Variants in PLAC8L1 observed in about 807,000 individuals in gnomAD.
PLAC8L1 encodes PLAC8-like protein 1.
In PLAC8L1, 13 loss-of-function variants were observed where a neutral mutation model predicts 16.3. The observed-to-expected ratio is 0.80, with a 90% CI of 0.52 to 1.27. PLAC8L1 has a LOEUF of 1.27. Ranked by LOEUF, PLAC8L1 falls within the 50% of genes most tolerant of loss-of-function variation. The pLI, the probability that PLAC8L1 is intolerant of heterozygous loss-of-function variation, is 0.00. For missense variants in PLAC8L1, 184 were observed against 220.2 expected (o/e 0.84, Z 1.04); for synonymous variants, 78 against 79.3 (o/e 0.98, Z 0.09).
chr5:146,088,510 T>C (rs763415170), intron 2 of PLAC8L1, among the ~76,000 whole-genome samples: 28 of 152,140 alleles, frequency 1.8e-4, no homozygotes, highest in Admixed American at 5.9e-4. Context: ...GGCAAAAAAC[T>C]AGGAATTCTG....
chr5:146,090,343 G>A (rs1288588047), intron 2 of PLAC8L1, among the ~76,000 whole-genome samples: 2 of 151,932 alleles, frequency 1.3e-5, no homozygotes, highest in Admixed American at 6.6e-5. Flanking sequence ...AGACCAGCCT[G>A]GCCAACATGA....
In PLAC8L1 at chr5:146,085,430, CG is replaced by C. The variant is rs1464562049; in HGVS notation, c.393+30del. The C allele has an allele frequency of 1.9e-6, 3 of 1,598,504 alleles. No homozygotes were observed. In the East Asian group the frequency reaches 6.7e-5, roughly 36 times the overall value. ...AGGCATCTAGGTTTTCATACAGATT[CG>C]GGTTCACGTATACCTTCAAACACAC... On this transcript the variant is annotated intron_variant, in intron 3 of 3. Transcript: ENST00000311450.
chr5:146,102,991 G>C (rs562951999), intron 1 of PLAC8L1, among the ~76,000 whole-genome samples: 20 of 152,194 alleles, frequency 1.3e-4, no homozygotes, highest in African/African-American at 4.3e-4. Flanking sequence ...CAGAAACAAA[G>C]GAAGGAGAAA....
intron 2 of PLAC8L1, among the ~76,000 whole-genome samples, chr5:146,095,980 T>G (rs1022657016): frequency 1.3e-5 from 2 of 152,216 alleles, no homozygotes; most frequent in African/African-American, 4.8e-5. Flanking sequence ...TATATTCGTT[T>G]CCTAGGGCTG....
At chr5:146,085,369 C>T in intron 3 of PLAC8L1, 92 bp downstream of exon 3, 1 of 1,397,476 alleles carries the variant, frequency 7.2e-7, no homozygotes, top group South Asian at 1.6e-5. Context: ...ACATCCTCAC[C>T]CACCCTTCTT....
intron 1 of PLAC8L1, among the ~76,000 whole-genome samples, chr5:146,102,636 T>C (rs1763839463): frequency 6.6e-6 from 1 of 152,214 alleles, no homozygotes; most frequent in Non-Finnish European, 1.5e-5. Context: ...ATGAAGCTTA[T>C]GGCCACAAAG....
intron 2 of PLAC8L1, among the ~76,000 whole-genome samples, chr5:146,090,962 G>A (rs1763610122): frequency 6.6e-6 from 1 of 152,002 alleles, no homozygotes; most frequent in Non-Finnish European, 1.5e-5. Context: ...GCTGAGGCAG[G>A]AGAATTGCTT....
intron 2 of PLAC8L1, among the ~76,000 whole-genome samples, chr5:146,096,455 T>G (rs984502392): frequency 6.6e-6 from 1 of 152,214 alleles, no homozygotes; most frequent in Non-Finnish European, 1.5e-5. Context: ...GAGTGGGTTC[T>G]ATACATCTTC....
Position 146,084,539 on chromosome 5 carries a change from A to C in PLAC8L1, c.427T>G (p.Cys143Gly), listed in dbSNP as rs1763475515. The change falls in exon 4 of 4, where the codon TGC becomes GGC. Residue 143 changes from cysteine (C) to glycine (G), a missense_variant. Cys to Gly is a radical substitution (Grantham distance 159). Coordinates refer to ENST00000311450, the MANE Select transcript of PLAC8L1 (RefSeq NM_001029869.3). ...TGGCAGATGGAAAAAGCCCAACAGC[A>C]GTGCACCGCCAGCCAGTCTTCACAC... ...TLCEDWLAVH[C>G]CWAFSICQVA... The C allele has an allele frequency of 6.2e-7, 1 of 1,613,946 alleles. No individual in the cohort carries two copies. Among genetic ancestry groups the C allele is most frequent in the Non-Finnish European group, 8.5e-7 (1 of 1,180,042 alleles).
At chr5:146,097,748 T>C (rs942116308) in intron 2 of PLAC8L1, among the ~76,000 whole-genome samples, 2 of 152,232 alleles carry the variant, frequency 1.3e-5, no homozygotes, top group African/African-American at 4.8e-5. Context: ...TGCTAAATCT[T>C]TGCACATGAT....
In PLAC8L1 at chr5:146,104,256, T is replaced by C; in HGVS notation, c.56A>G (p.Asn19Ser). ...FRCPEDLSLL[N>S]IYSPLLSHMS... ...GTGTGACAACAGAGGTGAGTATATG[T>C]TGAGTAAGGAAAGATCCTCAGGACA... The change falls in exon 1 of 4, where the codon AAC (asparagine) becomes AGC (serine). Residue 19 changes from asparagine to serine, a missense_variant. Physicochemically the swap from Asn to Ser is conservative, Grantham distance 46. Coordinates refer to ENST00000311450, the MANE Select transcript of PLAC8L1 (RefSeq NM_001029869.3). The C allele has an allele frequency of 6.2e-7, 1 of 1,613,950 alleles. No individual in the cohort carries two copies. Among genetic ancestry groups the C allele is most frequent in the Non-Finnish European group, 8.5e-7 (1 of 1,179,862 alleles).
intron 2 of PLAC8L1, among the ~76,000 whole-genome samples, chr5:146,090,129 C>A (rs759830293): frequency 3.3e-5 from 5 of 152,076 alleles, no homozygotes; most frequent in Admixed American, 1.3e-4. Flanking sequence ...CAGGTCACAC[C>A]CCAAGAAGGG....
At position 146,084,522 on chromosome 5, in the gene PLAC8L1, G is replaced by T; in HGVS notation, c.444C>A (p.Ser148=). The T allele has an allele frequency of 6.2e-7, 1 of 1,614,116 alleles. No homozygotes were observed. The highest frequency in any genetic ancestry group is 1.1e-5 in the South Asian group (1 of 91,078). ...TGAGTTCCCGGGCCACCTGGCAGATGGAAAAAGCCCAACAGCAGTGCACCG... is the reference window on the plus strand; with the variant it reads ...TGAGTTCCCGGGCCACCTGGCAGATTGAAAAAGCCCAACAGCAGTGCACCG... ...WLAVHCCWAF[S]ICQVARELKM... The change falls in exon 4 of 4, where the codon TCC becomes TCA. Residue 148 remains serine, a synonymous_variant. Coordinates refer to ENST00000311450, the MANE Select transcript of PLAC8L1 (RefSeq NM_001029869.3).
chr5:146,092,826 G>A (rs919503565), intron 2 of PLAC8L1, among the ~76,000 whole-genome samples: 6 of 152,124 alleles, frequency 3.9e-5, no homozygotes, highest in South Asian at 4.1e-4. Context: ...GAGAGCCACC[G>A]CACCCGGCCG....
At chr5:146,098,331 G>T in intron 1 of PLAC8L1, 39 bp from the exon 2 acceptor site, 1 of 1,601,032 alleles carries the variant, frequency 6.2e-7, no homozygotes, top group Non-Finnish European at 8.5e-7. Flanking sequence ...GGAAACAAAG[G>T]TGTTTCAGAA....
chr5:146,093,738 A>G (rs887269915), intron 2 of PLAC8L1, among the ~76,000 whole-genome samples: 1 of 152,208 alleles, frequency 6.6e-6, no homozygotes, highest in African/African-American at 2.4e-5. Context: ...GTGTGGGGAC[A>G]TGAATCCCAG....
chr5:146,089,612 T>A (rs1405970919), intron 2 of PLAC8L1, among the ~76,000 whole-genome samples: 3 of 152,140 alleles, frequency 2.0e-5, no homozygotes, highest in African/African-American at 7.2e-5. Flanking sequence ...CTATATGTTC[T>A]CATGTTTTAT....
At position 146,085,039 on chromosome 5, in the gene PLAC8L1, A is replaced by T. The variant is rs964018524; in HGVS notation, c.393+422T>A. Reference sequence around the variant, plus strand: ...TTGTAACCACTTCCAGATACATTCTATGTCTACATAAACATATACATATAT... The same window carrying T: ...TTGTAACCACTTCCAGATACATTCTTTGTCTACATAAACATATACATATAT... On this transcript the variant is annotated intron_variant, in intron 3 of 3. Coordinates refer to ENST00000311450, the MANE Select transcript of PLAC8L1 (RefSeq NM_001029869.3). Among the ~76,000 whole-genome samples, 11 of 150,306 alleles carry T rather than the reference A, an allele frequency of 7.3e-5. No individual in the cohort carries two copies. In the East Asian group the frequency reaches 2.1e-3, roughly 29 times the overall value.
rs567574349 is a variant in PLAC8L1, at chr5:146,086,400, G to A, written c.257-803C>T. Reference sequence around the variant, plus strand: ...GGCTTTATTCTATTTCTCAGACCAAGTTATTCAAATTTATGTTAGTGTCTT... The same window carrying A: ...GGCTTTATTCTATTTCTCAGACCAAATTATTCAAATTTATGTTAGTGTCTT... On this transcript the variant is annotated intron_variant, in intron 2 of 3. Transcript: ENST00000311450. Among the ~76,000 whole-genome samples the A allele has an allele frequency of 4.6e-5, 7 of 152,304 alleles. No individual in the cohort carries two copies. In the East Asian group the frequency reaches 1.2e-3, roughly 25 times the overall value.
Sources: allele counts gnomAD v4.1 joint callset (sites outside exome capture counted in the v4.1 genomes callset), GRCh38; gene constraint gnomAD v4.1.1; transcripts MANE v1.5; gene names NCBI Gene and HGNC (gene_info 2026-07-23, HGNC 2026-07-21).